The following FAM110D variants were observed in gnomAD, a reference collection of about 807,000 sequenced individuals.
The protein encoded by FAM110D is protein FAM110D.
For missense variants in FAM110D, 376 were observed against 395.6 expected, an observed-to-expected ratio of 0.95 and a Z score of 0.42; for synonymous variants, 174 against 189.4, an observed-to-expected ratio of 0.92 and a Z score of 0.67.
At position 26,162,510 on chromosome 1, in the gene FAM110D, C is replaced by G. The variant is rs567971702; in HGVS notation, c.*403C>G. The G allele has an allele frequency of 5.4e-6, 1 of 184,680 alleles. No individual in the cohort carries two copies. Among genetic ancestry groups the G allele is most frequent in the East Asian group, 1.6e-4 (1 of 6,184 alleles). The allele number at this position is 184,680 out of a possible 1,614,324, so 11.4% of individuals were successfully genotyped here. A position where few individuals can be genotyped will look rare whatever the true frequency, so the allele number is the denominator to read the frequency against. ...GACCTCCCTGGACGCAGCGGCACCC[C>G]TCGGTTATTAAGGAGGGAGGAGTAG... On this transcript the variant is annotated 3_prime_UTR_variant, in exon 2 of 2. Transcript: ENST00000374268. The surrounding 1 kb of genome is among the most constrained non-coding windows in gnomAD (Gnocchi z 5.3).
Position 26,161,325 on chromosome 1 carries a change from G to A in FAM110D, c.34G>A (p.Gly12Arg). 6.3e-7 allele frequency: 1 copy of A among 1,589,968 alleles called. No homozygotes were observed. The highest frequency in any genetic ancestry group is 8.6e-7 in the Non-Finnish European group (1 of 1,168,528). ...LLAPPSTPSR[G>R]RTPSAVERLE... ...GGCCCCTCCCTCCACCCCGTCCAGA[G>A]GACGGACCCCCAGCGCCGTGGAGAG... The change falls in exon 2 of 2, where the codon GGA (glycine) becomes AGA (arginine). Residue 12 changes from glycine to arginine, a missense_variant. Coordinates refer to ENST00000374268, the MANE Select transcript of FAM110D (RefSeq NM_024869.3). This position sits in a 1 kb window ranked among gnomAD's most constrained non-coding sequence, Gnocchi z 5.4.
chr1:26,160,795 C>T (rs777126588), intron 1 of FAM110D, among the ~76,000 whole-genome samples: 7 of 149,588 alleles, frequency 4.7e-5, no homozygotes, highest in Admixed American at 1.3e-4. Context: ...TGTTTGGGGG[C>T]GGGAAGGGTG....
Position 26,161,834 on chromosome 1 carries a change from A to T in FAM110D, c.543A>T (p.Ala181=). ...GCGCGCTGGTGGAGGTGCTGGGCGC[A>T]GAGCGCTTCTCCCCGCAGAGCTGGG... ...LERALVEVLG[A]ERFSPQSWGA... Residue 181 remains alanine (A), a synonymous_variant, in exon 2 of 2, where the codon GCA becomes GCT. Coordinates refer to ENST00000374268, the MANE Select transcript of FAM110D (RefSeq NM_024869.3). This position sits in a 1 kb window ranked among gnomAD's most constrained non-coding sequence, Gnocchi z 5.4. 2 of 1,542,998 alleles carry T rather than the reference A, an allele frequency of 1.3e-6. No individual in the cohort carries two copies. The highest frequency in any genetic ancestry group is 1.7e-6 in the Non-Finnish European group (2 of 1,145,752).
chr1:26,160,056 G>A (rs920704068), intron 1 of FAM110D, among the ~76,000 whole-genome samples: 12 of 152,092 alleles, frequency 7.9e-5, no homozygotes, highest in South Asian at 6.2e-4. Context: ...TTATAGCAGC[G>A]GGAATACACG....
Position 26,161,501 on chromosome 1 carries a change from C to A in FAM110D, c.210C>A (p.Val70=). ...CATCGCCCAGGACGCCCAGGCCGGT[C>A]CGCCGGGGAAGCGGCAGGCGGCTGC... ...PPASPRTPRP[V]RRGSGRRLPR... Residue 70 remains valine, a synonymous_variant, in exon 2 of 2, where the codon GTC becomes GTA. Transcript: ENST00000374268. The surrounding 1 kb of genome is among the most constrained non-coding windows in gnomAD (Gnocchi z 5.4). 1 of 1,552,894 alleles carries A rather than the reference C, an allele frequency of 6.4e-7. No individual in the cohort carries two copies. The highest frequency in any genetic ancestry group is 1.2e-5 in the South Asian group (1 of 84,312).
In FAM110D at chr1:26,162,284, AG is replaced by A. The variant is rs958927645; in HGVS notation, c.*182del. The A allele has an allele frequency of 2.5e-6, 1 of 407,528 alleles. No homozygotes were observed. Among genetic ancestry groups the A allele is most frequent in the Non-Finnish European group, 4.4e-6 (1 of 229,758 alleles). 25.2% of individuals were successfully genotyped at this position (407,528 alleles called of 1,614,324 possible). A position where few individuals can be genotyped will look rare whatever the true frequency, so the allele number is the denominator to read the frequency against. On this transcript the variant is annotated 3_prime_UTR_variant, in exon 2 of 2. Coordinates refer to ENST00000374268, the MANE Select transcript of FAM110D (RefSeq NM_024869.3). This position sits in a 1 kb window ranked among gnomAD's most constrained non-coding sequence, Gnocchi z 5.3. ...AGGCCCTTCCCTGCTCCCGCGGCGA[AG>A]GGGGAGGGAGAGGCCTCTTGGTCCC...
rs1247776622 is a variant in FAM110D, at chr1:26,159,714, G to A, written c.-81+588G>A. 2.0e-5 allele frequency among the ~76,000 whole-genome samples: 3 copies of A among 151,892 alleles called. No homozygotes were observed. In the South Asian group the frequency reaches 6.3e-4, roughly 32 times the overall value. On this transcript the variant is annotated intron_variant, in intron 1 of 1. Coordinates refer to ENST00000374268, the MANE Select transcript of FAM110D (RefSeq NM_024869.3). ...CTTCCCCACTTCCCTGGCTAATTCT[G>A]TTCCTTTGTTGTCCCCAGATCCAAG...
At position 26,163,843 on chromosome 1, in the gene FAM110D, T is replaced by A; in HGVS notation, c.*1736T>A. The stretch of plus-strand genomic sequence containing the variant: ...TTTCCTAGTACAGGGACGGCGCACA[T>A]AGTAGGGCCACAGGCACAGTTTGTT... On this transcript the variant is annotated 3_prime_UTR_variant, in exon 2 of 2. Coordinates refer to ENST00000374268, the MANE Select transcript of FAM110D (RefSeq NM_024869.3). 4.0e-6 allele frequency: 1 copy of A among 251,464 alleles called. No homozygotes were observed. The highest frequency in any genetic ancestry group is 7.9e-5 in the East Asian group (1 of 12,620). 15.6% of individuals were successfully genotyped at this position (251,464 alleles called of 1,614,324 possible).
In FAM110D at chr1:26,161,914, C is replaced by A; in HGVS notation, c.623C>A (p.Ala208Asp). Residue 208 changes from alanine to aspartate, a missense_variant, in exon 2 of 2, where the codon GCC becomes GAC. Ala to Asp is a moderately radical substitution (Grantham distance 126). Transcript: ENST00000374268. The surrounding 1 kb of genome is among the most constrained non-coding windows in gnomAD (Gnocchi z 5.4). ...GTSPPPGSGD[A>D]SDWTSSDRGV... is the part of the protein sequence containing the mutation. ...TCGCCGCCGCCCGGCTCCGGGGACG[C>A]CAGCGACTGGACATCCAGCGACAGG... The A allele has an allele frequency of 7.1e-7, 1 of 1,416,568 alleles. No homozygotes were observed. Among genetic ancestry groups the A allele is most frequent in the Non-Finnish European group, 9.1e-7 (1 of 1,092,938 alleles). 87.7% of individuals were successfully genotyped at this position (1,416,568 alleles called of 1,614,324 possible). A position where few individuals can be genotyped will look rare whatever the true frequency, so the allele number is the denominator to read the frequency against.
Position 26,161,776 on chromosome 1 carries a change from A to G in FAM110D, c.485A>G (p.Lys162Arg). The G allele has an allele frequency of 6.4e-7, 1 of 1,550,942 alleles. No homozygotes were observed. Among genetic ancestry groups the G allele is most frequent in the Non-Finnish European group, 8.7e-7 (1 of 1,147,840 alleles). Residue 162 changes from lysine to arginine, a missense_variant, in exon 2 of 2, where the codon AAG (lysine) becomes AGG (arginine). Transcript: ENST00000374268. This position sits in a 1 kb window ranked among gnomAD's most constrained non-coding sequence, Gnocchi z 5.4. ...ACGTGCTCGCTGCCCCTGTCGGAGAAGGAGCGCTTCTTCAACTACTGCGGC... is the reference window on the plus strand; with the variant it reads ...ACGTGCTCGCTGCCCCTGTCGGAGAGGGAGCGCTTCTTCAACTACTGCGGC... The part of the protein sequence containing the change: ...CPTCSLPLSE[K>R]ERFFNYCGLE...
rs547082895 is a variant in FAM110D, at chr1:26,159,903, G to A, written c.-81+777G>A. ...CCCCAGCAGAAGGGAGGTGGAAAAGGGTCATGAGGTCTTAGGATAAAAAAG... is the reference window on the plus strand; with the variant it reads ...CCCCAGCAGAAGGGAGGTGGAAAAGAGTCATGAGGTCTTAGGATAAAAAAG... On this transcript the variant is annotated intron_variant, in intron 1 of 1. Transcript: ENST00000374268. Among the ~76,000 whole-genome samples the A allele has an allele frequency of 9.1e-4, 139 of 152,180 alleles. 1 individual carries two copies. Among genetic ancestry groups the A allele is most frequent in the African/African-American group, 3.1e-3 (130 of 41,512 alleles).
chr1:26,160,093 T>G (rs1474870045), intron 1 of FAM110D, among the ~76,000 whole-genome samples: 3 of 121,876 alleles, frequency 2.5e-5, no homozygotes, highest in Non-Finnish European at 6.1e-5. Context: ...TCTTTTTTTT[T>G]TTCTTTTTTT....
Position 26,162,238 on chromosome 1 carries a change from G to A in FAM110D, c.*131G>A. 1 of 574,088 alleles carries A rather than the reference G, an allele frequency of 1.7e-6. No homozygotes were observed. Among genetic ancestry groups the A allele is most frequent in the Middle Eastern group, 5.6e-4 (1 of 1,798 alleles). 35.6% of individuals were successfully genotyped at this position (574,088 alleles called of 1,614,324 possible). ...CAGTTTCGCGTCTGAACCTTGGGGAGGTGGAACAAGTTGCTGCCGAAGGCC... is the reference window on the plus strand; with the variant it reads ...CAGTTTCGCGTCTGAACCTTGGGGAAGTGGAACAAGTTGCTGCCGAAGGCC... On this transcript the variant is annotated 3_prime_UTR_variant, in exon 2 of 2. Coordinates refer to ENST00000374268, the MANE Select transcript of FAM110D (RefSeq NM_024869.3). This position sits in a 1 kb window ranked among gnomAD's most constrained non-coding sequence, Gnocchi z 5.3.
chr1:26,160,386 G>A (rs532378299), intron 1 of FAM110D, among the ~76,000 whole-genome samples: 13 of 151,946 alleles, frequency 8.6e-5, no homozygotes, highest in Non-Finnish European at 1.6e-4. Context: ...GAGCCATCGC[G>A]CCTGGCCTCA....
intron 1 of FAM110D, among the ~76,000 whole-genome samples, chr1:26,160,433 T>C (rs577868991): frequency 1.3e-3 from 195 of 151,566 alleles, no homozygotes; most frequent in Non-Finnish European, 2.4e-3. Flanking sequence ...AGATCCAATC[T>C]GAACTGCAAG....
chr1:26,161,777 G>A lies in FAM110D; in HGVS notation c.486G>A (p.Lys162=). The stretch of plus-strand genomic sequence containing the variant: ...CGTGCTCGCTGCCCCTGTCGGAGAA[G>A]GAGCGCTTCTTCAACTACTGCGGCC... ...CPTCSLPLSE[K]ERFFNYCGLE... is the part of the protein sequence containing the mutation. Residue 162 remains lysine, a synonymous_variant, in exon 2 of 2, where the codon AAG becomes AAA. Transcript: ENST00000374268. This position sits in a 1 kb window ranked among gnomAD's most constrained non-coding sequence, Gnocchi z 5.4. The A allele has an allele frequency of 1.3e-6, 2 of 1,551,004 alleles. No homozygotes were observed. The highest frequency in any genetic ancestry group is 1.2e-5 in the South Asian group (1 of 84,156).
At chr1:26,160,169 C>T (rs1333053955) in intron 1 of FAM110D, among the ~76,000 whole-genome samples, 2 of 151,596 alleles carry the variant, frequency 1.3e-5, no homozygotes, top group African/African-American at 4.9e-5. Flanking sequence ...TCTCGGCTCA[C>T]TGCAACCTCC....
rs182394999 is a variant in FAM110D at position 26,162,339 on chromosome 1, T to C, written c.*232T>C. 7.9e-5 allele frequency: 29 copies of C among 365,416 alleles called. No individual in the cohort carries two copies. In the Admixed American group the frequency reaches 9.9e-4, roughly 12 times the overall value. The allele number at this position is 365,416 out of a possible 1,614,324, so 22.6% of individuals were successfully genotyped here. ...GGAGACCCGGTCTGGGGAGTCACGA[T>C]TGGGGTGGGAGATGAGCAAACCTGC... On this transcript the variant is annotated 3_prime_UTR_variant, in exon 2 of 2. Coordinates refer to ENST00000374268, the MANE Select transcript of FAM110D (RefSeq NM_024869.3). The surrounding 1 kb of genome is among the most constrained non-coding windows in gnomAD (Gnocchi z 5.3).
chr1:26,161,783 C>T lies in FAM110D; in HGVS notation c.492C>T (p.Arg164=), dbSNP rs1053303822. The T allele has an allele frequency of 2.8e-5, 44 of 1,551,068 alleles. No individual in the cohort carries two copies. The highest frequency in any genetic ancestry group is 3.7e-5 in the Non-Finnish European group (42 of 1,147,994). Residue 164 remains arginine (R), a synonymous_variant, in exon 2 of 2, where the codon CGC becomes CGT. Coordinates refer to ENST00000374268, the MANE Select transcript of FAM110D (RefSeq NM_024869.3). The surrounding 1 kb of genome is among the most constrained non-coding windows in gnomAD (Gnocchi z 5.4). ...CGCTGCCCCTGTCGGAGAAGGAGCG[C>T]TTCTTCAACTACTGCGGCCTGGAGC... ...TCSLPLSEKE[R]FFNYCGLERA...
Sources: allele counts gnomAD v4.1 joint callset (sites outside exome capture counted in the v4.1 genomes callset), GRCh38; gene constraint gnomAD v4.1.1; non-coding constraint Gnocchi (gnomAD v3.1); transcripts MANE v1.5; gene names NCBI Gene and HGNC (gene_info 2026-07-23, HGNC 2026-07-21).